GRIN2B: variants seen among roughly 807,000 people sequenced by gnomAD.
GRIN2B encodes the protein glutamate ionotropic receptor NMDA type subunit 2B, also known as glutamate receptor ionotropic, NMDA 2B.
Under a neutral mutation model 114.5 loss-of-function variants are expected in GRIN2B, and 5 were observed. The observed-to-expected ratio is 0.04, with a 90% CI of 0.02 to 0.09. The LOEUF is 0.09. Among genes scored for constraint, GRIN2B ranks in the 10% least tolerant of loss-of-function variants. The pLI is 1.00. For missense variants in GRIN2B, 1,108 were observed against 1,943.5 expected (o/e 0.57, Z 8.08); for synonymous variants, 787 against 745.1 (o/e 1.06, Z -0.92).
chr12:13,756,013 A>G (rs1177581990), intron 3 of GRIN2B, among the ~76,000 whole-genome samples: 1 of 152,044 alleles, frequency 6.6e-6, no homozygotes, highest in Non-Finnish European at 1.5e-5. Context: ...AAAGTGAGAA[A>G]TAAGTTTCTG....
chr12:13,591,511 A>G (rs1439997007), intron 10 of GRIN2B, among the ~76,000 whole-genome samples: 2 of 152,320 alleles, frequency 1.3e-5, no homozygotes, highest in African/African-American at 4.8e-5. Flanking sequence ...AGGCATGAGA[A>G]GGGTTTAGGA....
chr12:13,541,059 C>T lies in GRIN2B; in HGVS notation c.*21724G>A, dbSNP rs914015058. The T allele has an allele frequency of 2.0e-5, 3 of 152,274 alleles. No homozygotes were observed. Among genetic ancestry groups the T allele is most frequent in the Non-Finnish European group, 4.4e-5 (3 of 68,050 alleles). 9.4% of individuals were successfully genotyped at this position (152,274 alleles called of 1,614,324 possible). A position where few individuals can be genotyped will look rare whatever the true frequency, so the allele number is the denominator to read the frequency against. ...ACACATGTGCACAGGCACACACACGCATCAGTCATTGTGGCTAAGTGTAAT... is the reference window on the plus strand; with the variant it reads ...ACACATGTGCACAGGCACACACACGTATCAGTCATTGTGGCTAAGTGTAAT... On this transcript the variant is annotated 3_prime_UTR_variant, in exon 14 of 14. Transcript: ENST00000609686.
chr12:13,870,430 G>A (rs10845850), intron 2 of GRIN2B, among the ~76,000 whole-genome samples: 97,222 of 151,858 alleles, frequency 0.64, 31,361 homozygotes, highest in African/African-American at 0.69. Context: ...ATAGCAAACA[G>A]AAGGCCACAG....
At chr12:13,856,895 G>T (rs186509708) in intron 3 of GRIN2B, among the ~76,000 whole-genome samples, 1 of 152,086 alleles carries the variant, frequency 6.6e-6, no homozygotes, top group Non-Finnish European at 1.5e-5. Context: ...AAATCCAAGT[G>T]CTTACTAGAC....
At chr12:13,796,811 A>G (rs567821236) in intron 3 of GRIN2B, among the ~76,000 whole-genome samples, 1 of 152,192 alleles carries the variant, frequency 6.6e-6, no homozygotes, top group Admixed American at 6.5e-5. Context: ...ATTGAGACCT[A>G]AAGAAATTAG....
At chr12:13,572,742 C>G (rs553324853) in intron 10 of GRIN2B, among the ~76,000 whole-genome samples, 10 of 152,336 alleles carry the variant, frequency 6.6e-5, no homozygotes, top group East Asian at 1.9e-4. Context: ...TGTATCTTCA[C>G]AGCCTCATAT....
Position 13,543,325 on chromosome 12 carries a change from CACTA to C in GRIN2B, c.*19454_*19457del, listed in dbSNP as rs944335097. The C allele has an allele frequency of 3.3e-5, 5 of 152,390 alleles. No homozygotes were observed. Among genetic ancestry groups the C allele is most frequent in the Non-Finnish European group, 5.9e-5 (4 of 68,042 alleles). 9.4% of individuals were successfully genotyped at this position (152,390 alleles called of 1,614,324 possible). On this transcript the variant is annotated 3_prime_UTR_variant, in exon 14 of 14. Transcript: ENST00000609686. ...AATTTCTACGTTATTGCTTCTGACT[CACTA>C]ACTGAGTGATCCCAGCTTGAATCTC...
intron 2 of GRIN2B, among the ~76,000 whole-genome samples, chr12:13,940,438 GCACA>G (rs141427427): frequency 3.3e-5 from 5 of 150,870 alleles, no homozygotes; most frequent in Admixed American, 3.3e-4. Context: ...TCTCCTTGGC[GCACA>G]CACACACACA....
chr12:13,564,298 C>A lies in GRIN2B; in HGVS notation c.2940G>T (p.Val980=). ...FGNLQLKDSN[V]YQDHYHHHHR... Reference sequence around the variant, plus strand: ...GGTGATGGTGGTAGTGATCTTGGTACACGTTGCTGTCCTTCAGCTGCAGGT... The same window carrying A: ...GGTGATGGTGGTAGTGATCTTGGTAAACGTTGCTGTCCTTCAGCTGCAGGT... The change falls in exon 14 of 14, where the codon GTG becomes GTT. Residue 980 remains valine (V), a synonymous_variant. Coordinates refer to ENST00000609686, the MANE Select transcript of GRIN2B (RefSeq NM_000834.5). This position sits in a 1 kb window ranked among gnomAD's most constrained non-coding sequence, Gnocchi z 4.8. The A allele has an allele frequency of 6.2e-7, 1 of 1,614,178 alleles. No homozygotes were observed. The highest frequency in any genetic ancestry group is 8.5e-7 in the Non-Finnish European group (1 of 1,180,034).
intron 4 of GRIN2B, among the ~76,000 whole-genome samples, chr12:13,724,227 C>A (rs1230502797): frequency 6.6e-6 from 1 of 152,138 alleles, no homozygotes; most frequent in Non-Finnish European, 1.5e-5. Context: ...CAGGTCATAG[C>A]ACAACTACAG....
intron 3 of GRIN2B, among the ~76,000 whole-genome samples, chr12:13,796,936 AAT>A (rs1212550960): frequency 2.0e-5 from 3 of 152,220 alleles, no homozygotes; most frequent in African/African-American, 7.2e-5. Context: ...TTTGACAAAC[AAT>A]ATGATTCCTC....
chr12:13,693,589 T>C (rs1364416807), intron 4 of GRIN2B, among the ~76,000 whole-genome samples: 1 of 152,120 alleles, frequency 6.6e-6, no homozygotes, highest in Non-Finnish European at 1.5e-5. Context: ...GTCCCTGACA[T>C]TGGCCTGGAG....
chr12:13,646,426 ATAT>A (rs1195688640), intron 5 of GRIN2B, among the ~76,000 whole-genome samples: 1 of 152,134 alleles, frequency 6.6e-6, no homozygotes, highest in Non-Finnish European at 1.5e-5. Context: ...AAAGTGGTAG[ATAT>A]TATTGTGGAT....
rs576467768 is a variant in GRIN2B, at chr12:13,662,398, C to T, written c.1125+13347G>A. On this transcript the variant is annotated intron_variant, in intron 5 of 13. Transcript: ENST00000609686. ...GAAATTTCTTATGACAGCTGCTGAA[C>T]ATACTCTGAAGAAATTTAACTAGCA... is the stretch of plus-strand genomic sequence containing the variant. Among the ~76,000 whole-genome samples, 29 of 152,248 alleles carry T rather than the reference C, an allele frequency of 1.9e-4. No homozygotes were observed. In the South Asian group the frequency reaches 5.6e-3, roughly 29 times the overall value.
At chr12:13,794,379 G>A (rs187998374) in intron 3 of GRIN2B, among the ~76,000 whole-genome samples, 1 of 152,274 alleles carries the variant, frequency 6.6e-6, no homozygotes, top group African/African-American at 2.4e-5. Flanking sequence ...TCCAGCAGCA[G>A]ATCCATTTCA....
At chr12:13,941,734 G>A (rs539296920) in intron 2 of GRIN2B, among the ~76,000 whole-genome samples, 17 of 152,304 alleles carry the variant, frequency 1.1e-4, no homozygotes, top group Admixed American at 3.3e-4. Context: ...GTCTGTTAGC[G>A]TCCTAAGGAC....
chr12:13,712,580 G>T (rs1275345945), intron 4 of GRIN2B, among the ~76,000 whole-genome samples: 1 of 151,610 alleles, frequency 6.6e-6, no homozygotes, highest in Non-Finnish European at 1.5e-5. Flanking sequence ...AGAGGTGTGG[G>T]TTACACCCAT....
intron 3 of GRIN2B, among the ~76,000 whole-genome samples, chr12:13,858,678 C>T (rs913265198): frequency 1.3e-5 from 2 of 152,082 alleles, no homozygotes; most frequent in African/African-American, 4.8e-5. Context: ...TTTTTTTTAA[C>T]ATATTAACAC....
Position 13,593,223 on chromosome 12 carries a change from G to C in GRIN2B, c.2010+15380C>G, listed in dbSNP as rs143621768. 3.8e-3 allele frequency among the ~76,000 whole-genome samples: 582 copies of C among 152,242 alleles called. 1 individual carries two copies. Among genetic ancestry groups the C allele is most frequent in the Non-Finnish European group, 5.1e-3 (344 of 68,022 alleles). On this transcript the variant is annotated intron_variant, in intron 10 of 13. Coordinates refer to ENST00000609686, the MANE Select transcript of GRIN2B (RefSeq NM_000834.5). ...TTAAATTTCATGTGGAACCAAAAGA[G>C]CCCACATAGCCAAAACAATCCTAAG...
Sources: allele counts gnomAD v4.1 joint callset (sites outside exome capture counted in the v4.1 genomes callset), GRCh38; gene constraint gnomAD v4.1.1; non-coding constraint Gnocchi (gnomAD v3.1); transcripts MANE v1.5; gene names NCBI Gene and HGNC (gene_info 2026-07-23, HGNC 2026-07-21).